Variants in GRIN2B observed in about 807,000 individuals in gnomAD.
GRIN2B encodes the protein glutamate ionotropic receptor NMDA type subunit 2B.
A neutral mutation model predicts 114.5 loss-of-function variants in GRIN2B; 5 were observed. That is an observed-to-expected ratio of 0.04 (90% confidence interval 0.02 to 0.09). The LOEUF (loss-of-function observed/expected upper bound fraction) is 0.09, where lower values mean the gene tolerates loss of function less well. Ranked by LOEUF, GRIN2B falls within the 10% of genes least tolerant of loss-of-function variation. The pLI, the probability that GRIN2B is intolerant of heterozygous loss-of-function variation, is 1.00. For missense variants in GRIN2B, 1,108 were observed against 1,943.5 expected, an observed-to-expected ratio of 0.57 and a Z score of 8.08; for synonymous variants, 787 against 745.1, an observed-to-expected ratio of 1.06 and a Z score of -0.92.
chr12:13,569,589 T>TTCAGACG (rs1296394737), intron 12 of GRIN2B, among the ~76,000 whole-genome samples: 1 of 152,194 alleles, frequency 6.6e-6, no homozygotes, highest in African/African-American at 2.4e-5. Flanking sequence ...GCACTGTGAT[T>TTCAGACG]TCAGACGTCT....
chr12:13,540,146 G>A lies in GRIN2B; in HGVS notation c.*22637C>T, dbSNP rs189812954. On this transcript the variant is annotated 3_prime_UTR_variant, in exon 14 of 14. Coordinates refer to ENST00000609686, the MANE Select transcript of GRIN2B (RefSeq NM_000834.5). ...AACAATTGGAAACCAACTGGGCAAG[G>A]GGTTTTTCCCAAACAGCACTTTTAA... 61 of 152,268 alleles carry A rather than the reference G, an allele frequency of 4.0e-4. No homozygotes were observed. Among genetic ancestry groups the A allele is most frequent in the Admixed American group, 1.8e-3 (27 of 15,302 alleles). 9.4% of individuals were successfully genotyped at this position (152,268 alleles called of 1,614,324 possible).
intron 4 of GRIN2B, among the ~76,000 whole-genome samples, chr12:13,680,435 G>GC (rs1950117458): frequency 8.6e-6 from 1 of 116,368 alleles, no homozygotes; most frequent in African/African-American, 3.4e-5. Flanking sequence ...TCCCATCAAG[G>GC]TTGTGTGTGT....
At position 13,821,421 on chromosome 12, in the gene GRIN2B, G is replaced by T. The variant is rs150321360; in HGVS notation, c.411+44377C>A. ...AAATGCATCCCTCATCCTTTAAGAG[G>T]CAGTTGCTAAAATGCAAATGTCTGA... On this transcript the variant is annotated intron_variant, in intron 3 of 13. Transcript: ENST00000609686. 1.8e-3 allele frequency among the ~76,000 whole-genome samples: 272 copies of T among 152,256 alleles called. 1 individual carries two copies. Among genetic ancestry groups the T allele is most frequent in the Admixed American group, 3.5e-3 (53 of 15,294 alleles).
chr12:13,780,834 C>CA (rs200061187), intron 3 of GRIN2B, among the ~76,000 whole-genome samples: 8,599 of 83,830 alleles, frequency 0.1, 601 homozygotes, highest in Admixed American at 0.27. Context: ...CAGGTTTTGC[C>CA]AAAAAAAAAA....
At chr12:13,586,150 T>C (rs994783864) in intron 10 of GRIN2B, among the ~76,000 whole-genome samples, 3 of 152,218 alleles carry the variant, frequency 2.0e-5, no homozygotes, top group Non-Finnish European at 2.9e-5. Flanking sequence ...TTCTAAACTA[T>C]AGTCATTCAA....
At chr12:13,918,910 C>T (rs2160729) in intron 2 of GRIN2B, among the ~76,000 whole-genome samples, 110,601 of 152,100 alleles carry the variant, frequency 0.73, 40,552 homozygotes, top group East Asian at 0.96. Flanking sequence ...CTTCTCAATC[C>T]TTCCACCCAC....
intron 5 of GRIN2B, among the ~76,000 whole-genome samples, chr12:13,642,423 G>A (rs912259484): frequency 6.6e-6 from 1 of 152,038 alleles, no homozygotes; most frequent in South Asian, 2.1e-4. Context: ...ATGATCTTGG[G>A]TGAGTCACCA....
intron 11 of GRIN2B, among the ~76,000 whole-genome samples, 156 bp downstream of exon 11, chr12:13,571,648 G>A (rs932724320): frequency 1.3e-5 from 2 of 152,170 alleles, no homozygotes; most frequent in Admixed American, 1.3e-4. Flanking sequence ...TAAATGATAC[G>A]ATCAAATTTA....
chr12:13,817,321 G>C (rs1864844147), intron 3 of GRIN2B, among the ~76,000 whole-genome samples: 2 of 146,308 alleles, frequency 1.4e-5, no homozygotes, highest in Non-Finnish European at 3.1e-5. Context: ...CTGGGCTGGA[G>C]CAACGCCCAC....
chr12:13,845,696 A>T (rs1043865505), intron 3 of GRIN2B, among the ~76,000 whole-genome samples: 1 of 152,164 alleles, frequency 6.6e-6, no homozygotes, highest in African/African-American at 2.4e-5. Context: ...CTTTGATACC[A>T]TGTAGTAAGA....
chr12:13,801,334 A>T lies in GRIN2B; in HGVS notation c.412-47419T>A, dbSNP rs189159860. Among the ~76,000 whole-genome samples the T allele has an allele frequency of 4.3e-3, 662 of 152,314 alleles. 5 individuals carry two copies. Among genetic ancestry groups the T allele is most frequent in the African/African-American group, 0.015 (636 of 41,570 alleles). On this transcript the variant is annotated intron_variant, in intron 3 of 13. Coordinates refer to ENST00000609686, the MANE Select transcript of GRIN2B (RefSeq NM_000834.5). ...ATAAAAAACTGATCAATGATTTATT[A>T]TCTAGTGTCAATTCCCTTTCTTCCA...
chr12:13,847,009 C>A (rs1034782978), intron 3 of GRIN2B, among the ~76,000 whole-genome samples: 1 of 152,088 alleles, frequency 6.6e-6, no homozygotes, highest in Non-Finnish European at 1.5e-5. Context: ...TATTATTTTC[C>A]TTATTGCAAA....
Position 13,550,265 on chromosome 12 carries a change from G to C in GRIN2B, c.*12518C>G, listed in dbSNP as rs200488937. Reference sequence around the variant, plus strand: ...AGGCTAAGTGTGGTGGAGCCTAATGGGTTGCTGGTTATCCTAGAAACTCCA... The same window carrying C: ...AGGCTAAGTGTGGTGGAGCCTAATGCGTTGCTGGTTATCCTAGAAACTCCA... On this transcript the variant is annotated 3_prime_UTR_variant, in exon 14 of 14. Transcript: ENST00000609686. The C allele has an allele frequency of 1.3e-5, 2 of 152,148 alleles. No individual in the cohort carries two copies. Among genetic ancestry groups the C allele is most frequent in the Non-Finnish European group, 1.5e-5 (1 of 68,030 alleles). 9.4% of individuals were successfully genotyped at this position (152,148 alleles called of 1,614,324 possible).
At chr12:13,969,608 C>T (rs77758299) in intron 2 of GRIN2B, among the ~76,000 whole-genome samples, 3,747 of 152,290 alleles carry the variant, frequency 0.025, 158 homozygotes, top group African/African-American at 0.085. Context: ...AGACTGACAG[C>T]AATAATTCTT....
intron 2 of GRIN2B, among the ~76,000 whole-genome samples, chr12:13,922,677 A>G (rs1303601186): frequency 6.6e-6 from 1 of 152,196 alleles, no homozygotes; most frequent in Non-Finnish European, 1.5e-5. Flanking sequence ...TGGAAAAGAG[A>G]CAAACAAAAA....
At chr12:13,921,400 A>G (rs1017249669) in intron 2 of GRIN2B, among the ~76,000 whole-genome samples, 1 of 152,180 alleles carries the variant, frequency 6.6e-6, no homozygotes, top group Admixed American at 6.5e-5. Flanking sequence ...GCAAGACTAT[A>G]TCTCAAAAGT....
chr12:13,866,495 G>C (rs901391760), intron 2 of GRIN2B, among the ~76,000 whole-genome samples: 5 of 152,300 alleles, frequency 3.3e-5, no homozygotes, highest in Middle Eastern at 6.8e-3. Context: ...GACAAAGGAG[G>C]AAAAGAGGTT....
At chr12:13,865,592 A>C (rs1233628784) in intron 3 of GRIN2B, among the ~76,000 whole-genome samples, 1 of 152,138 alleles carries the variant, frequency 6.6e-6, no homozygotes, top group African/African-American at 2.4e-5. Context: ...AGATGGCATC[A>C]TTGCACTCCA....
chr12:13,729,615 A>G (rs1863048862), intron 4 of GRIN2B, among the ~76,000 whole-genome samples: 1 of 152,172 alleles, frequency 6.6e-6, no homozygotes, highest in African/African-American at 2.4e-5. Context: ...CAGAATATGT[A>G]GGAAAGACTG....
Sources: allele counts gnomAD v4.1 joint callset (sites outside exome capture counted in the v4.1 genomes callset), GRCh38; gene constraint gnomAD v4.1.1; transcripts MANE v1.5; gene names NCBI Gene and HGNC (gene_info 2026-07-23, HGNC 2026-07-21).